TTC9: variants seen among roughly 807,000 people sequenced by gnomAD.
TTC9 encodes the protein tetratricopeptide repeat protein 9A.
A neutral mutation model predicts 22.9 loss-of-function variants in TTC9; 13 were observed. The observed-to-expected ratio is 0.57, with a 90% CI of 0.37 to 0.90. TTC9 has a LOEUF of 0.90. TTC9 is among the 40% of genes least tolerant of loss of function. TTC9 has a pLI of 0.01. For synonymous variants in TTC9, 148 were observed against 133.2 expected (o/e 1.11, Z -0.77); for missense variants, 280 against 291.8 (o/e 0.96, Z 0.29).
At chr14:70,655,658 C>A (rs756040321) in intron 1 of TTC9, among the ~76,000 whole-genome samples, 1 of 152,166 alleles carries the variant, frequency 6.6e-6, no homozygotes, top group Non-Finnish European at 1.5e-5. Flanking sequence ...TCCCCTCCCA[C>A]AGGATGCTGC....
intron 1 of TTC9, among the ~76,000 whole-genome samples, chr14:70,647,217 A>T (rs1289714487): frequency 6.6e-6 from 1 of 152,242 alleles, no homozygotes; most frequent in African/African-American, 2.4e-5. Flanking sequence ...TGTAGCTCAT[A>T]CATGCATATG....
intron 1 of TTC9, among the ~76,000 whole-genome samples, chr14:70,661,343 G>A (rs1886142449): frequency 6.6e-6 from 1 of 152,184 alleles, no homozygotes; most frequent in Admixed American, 6.5e-5. Context: ...TAGGTACTGA[G>A]GGTGAGGACT....
chr14:70,642,029 C>A lies in TTC9; in HGVS notation c.-101C>A. ...CACGGCCGCCACGAAGCCTGCGAGG[C>A]GCGGGGCCGGCGCCCGCGGCTTTTA... On this transcript the variant is annotated 5_prime_UTR_variant, in exon 1 of 3. Coordinates refer to ENST00000256367, the MANE Select transcript of TTC9 (RefSeq NM_015351.2). 2.5e-6 allele frequency: 2 copies of A among 816,226 alleles called. No individual in the cohort carries two copies. Among genetic ancestry groups the A allele is most frequent in the Non-Finnish European group, 1.5e-6 (1 of 671,838 alleles). 50.6% of individuals were successfully genotyped at this position (816,226 alleles called of 1,614,324 possible).
At chr14:70,656,246 C>CACACACACACAT (rs373121504) in intron 1 of TTC9, among the ~76,000 whole-genome samples, 22 of 140,168 alleles carry the variant, frequency 1.6e-4, no homozygotes, top group African/African-American at 4.5e-4. Context: ...CACACACACA[C>CACACACACACAT]ATTTATTTTT....
rs1179066175 is a variant in TTC9, at chr14:70,672,390, G to A, written c.*1235G>A. 1 of 152,230 alleles carries A rather than the reference G, an allele frequency of 6.6e-6. No homozygotes were observed. The highest frequency in any genetic ancestry group is 1.5e-5 in the Non-Finnish European group (1 of 68,052). The allele number at this position is 152,230 out of a possible 1,614,324, so 9.4% of individuals were successfully genotyped here. On this transcript the variant is annotated 3_prime_UTR_variant, in exon 3 of 3. Transcript: ENST00000256367. ...TTTCATCCCAGCCTAGTCTCCTGATGTCTGTGCTCGTTATGCTATGCCATG... is the reference window on the plus strand; with the variant it reads ...TTTCATCCCAGCCTAGTCTCCTGATATCTGTGCTCGTTATGCTATGCCATG...
chr14:70,671,107 G>A lies in TTC9; in HGVS notation c.621G>A (p.Thr207=), dbSNP rs761100685. The change falls in exon 3 of 3, where the codon ACG becomes ACA. Residue 207 remains threonine, a synonymous_variant. Transcript: ENST00000256367. ...DTNVIRYIQL[T]EMKLSRCSQR... is the part of the protein sequence containing the mutation. ...ACGTGATTCGGTATATCCAGCTGAC[G>A]GAGATGAAACTCAGCCGATGCTCCC... The A allele has an allele frequency of 1.4e-5, 23 of 1,613,598 alleles. No homozygotes were observed. The highest frequency in any genetic ancestry group is 3.3e-4 in the Middle Eastern group (2 of 6,084).
At chr14:70,644,832 G>T (rs1885880090) in intron 1 of TTC9, among the ~76,000 whole-genome samples, 1 of 152,198 alleles carries the variant, frequency 6.6e-6, no homozygotes, top group African/African-American at 2.4e-5. Context: ...TCACTCTGGG[G>T]CTGGGTGCGG....
chr14:70,646,960 CAGGG>C (rs1484829034), intron 1 of TTC9, among the ~76,000 whole-genome samples: 22 of 152,204 alleles, frequency 1.4e-4, no homozygotes, highest in African/African-American at 4.8e-4. Flanking sequence ...GTTGAAAAGG[CAGGG>C]AGGAAGTGTC....
intron 1 of TTC9, among the ~76,000 whole-genome samples, chr14:70,664,028 G>A (rs890523477): frequency 1.4e-4 from 21 of 152,206 alleles, no homozygotes; most frequent in African/African-American, 4.8e-4. Context: ...ATAAAAGAAG[G>A]ATAAAAATAG....
intron 1 of TTC9, among the ~76,000 whole-genome samples, chr14:70,653,171 A>G (rs962156517): frequency 2.6e-5 from 4 of 152,244 alleles, no homozygotes; most frequent in African/African-American, 9.6e-5. Context: ...TGCCTGGCTC[A>G]TAACAGATGC....
At chr14:70,659,161 C>T (rs568150094) in intron 1 of TTC9, among the ~76,000 whole-genome samples, 41 of 151,968 alleles carry the variant, frequency 2.7e-4, no homozygotes, top group African/African-American at 8.0e-4. Context: ...CACACACACA[C>T]ATACTGGGTA....
Position 70,673,226 on chromosome 14 carries a change from C to CA in TTC9, c.*2074dup, listed in dbSNP as rs1176468180. ...TCACAATTAAGACCGAAAGGAAACA[C>CA]AAAGTTAAATATGGGTTAATTATGT... On this transcript the variant is annotated 3_prime_UTR_variant, in exon 3 of 3. Transcript: ENST00000256367. 6.6e-6 allele frequency: 1 copy of CA among 152,190 alleles called. No individual in the cohort carries two copies. The highest frequency in any genetic ancestry group is 1.5e-5 in the Non-Finnish European group (1 of 68,040). The allele number at this position is 152,190 out of a possible 1,614,324, so 9.4% of individuals were successfully genotyped here. A position where few individuals can be genotyped will look rare whatever the true frequency, so the allele number is the denominator to read the frequency against.
At chr14:70,648,475 A>G (rs1403375015) in intron 1 of TTC9, among the ~76,000 whole-genome samples, 2 of 152,240 alleles carry the variant, frequency 1.3e-5, no homozygotes, top group African/African-American at 4.8e-5. Flanking sequence ...GAGTCCCTAC[A>G]GCCAAAATAC....
rs1268485699 is a variant in TTC9 at position 70,641,941 on chromosome 14, G to A, written c.-189G>A. The A allele has an allele frequency of 4.3e-4, 104 of 241,030 alleles. No homozygotes were observed. The highest frequency in any genetic ancestry group is 4.1e-5 in the Non-Finnish European group (6 of 147,700). The allele number at this position is 241,030 out of a possible 1,614,324, so 14.9% of individuals were successfully genotyped here. On this transcript the variant is annotated 5_prime_UTR_variant, in exon 1 of 3. Transcript: ENST00000256367. ...GTCCGAGGCGGCGGCGGCGGCGGCT[G>A]GAGCAGCCTCTGGCAGCAGCGGGGA...
intron 1 of TTC9, among the ~76,000 whole-genome samples, chr14:70,649,251 A>C (rs1317965970): frequency 1.3e-5 from 2 of 152,224 alleles, no homozygotes; most frequent in Non-Finnish European, 2.9e-5. Flanking sequence ...AGCACATAGT[A>C]GATGTTCCAC....
chr14:70,659,593 T>G (rs1213992917), intron 1 of TTC9, among the ~76,000 whole-genome samples: 1 of 152,166 alleles, frequency 6.6e-6, no homozygotes, highest in Non-Finnish European at 1.5e-5. Flanking sequence ...TTTTTCTCTC[T>G]GAATGTAAAG....
At chr14:70,663,718 CG>C (rs1264990208) in intron 1 of TTC9, among the ~76,000 whole-genome samples, 2 of 148,364 alleles carry the variant, frequency 1.3e-5, no homozygotes, top group Admixed American at 1.3e-4. Context: ...GGTGGGGGGG[CG>C]GGTGTCAGCT....
At chr14:70,659,962 A>C (rs1886121961) in intron 1 of TTC9, among the ~76,000 whole-genome samples, 1 of 152,252 alleles carries the variant, frequency 6.6e-6, no homozygotes, top group Non-Finnish European at 1.5e-5. Flanking sequence ...AGAAGCTAGA[A>C]TAGATTGCTG....
chr14:70,668,230 T>C (rs1886242517), intron 2 of TTC9, among the ~76,000 whole-genome samples: 1 of 152,208 alleles, frequency 6.6e-6, no homozygotes. Flanking sequence ...TTAGGACATG[T>C]GTTATCTATA....
Sources: allele counts gnomAD v4.1 joint callset (sites outside exome capture counted in the v4.1 genomes callset), GRCh38; gene constraint gnomAD v4.1.1; transcripts MANE v1.5; gene names NCBI Gene and HGNC (gene_info 2026-07-23, HGNC 2026-07-21).